The following UACA variants were observed in gnomAD, a reference collection of about 807,000 sequenced individuals.
The protein encoded by UACA is uveal autoantigen with coiled-coil domains and ankyrin repeats.
A neutral mutation model predicts 160.5 loss-of-function variants in UACA; 112 were observed. That is an observed-to-expected ratio of 0.70 (90% CI 0.60 to 0.82). UACA has a LOEUF of 0.82. UACA is among the 40% of genes least tolerant of loss of function. The pLI, the probability that UACA is intolerant of heterozygous loss-of-function variation, is 0.00. For synonymous variants in UACA, 557 were observed against 568.4 expected (o/e 0.98, Z 0.29); for missense variants, 1,574 against 1,614.6 (o/e 0.97, Z 0.43).
chr15:70,693,214 T>C (rs1039775901), intron 3 of UACA, among the ~76,000 whole-genome samples: 1 of 152,108 alleles, frequency 6.6e-6, no homozygotes, highest in African/African-American at 2.4e-5. Flanking sequence ...CTTGGTCACA[T>C]AAAAATGTCA....
chr15:70,711,497 TAAA>T (rs34582821), intron 1 of UACA, among the ~76,000 whole-genome samples: 4 of 141,716 alleles, frequency 2.8e-5, no homozygotes, highest in Non-Finnish European at 1.5e-5. Context: ...CCATCTCTAC[TAAA>T]AAAAAAAAAA....
rs144517368 is a variant in UACA at position 70,736,858 on chromosome 15, T to C, written c.78+26472A>G. ...TATATTGACGTGTTTATTCTAATTGTAGTAAATAAATGCTTATACTTGTAA... is the reference window on the plus strand; with the variant it reads ...TATATTGACGTGTTTATTCTAATTGCAGTAAATAAATGCTTATACTTGTAA... On this transcript the variant is annotated intron_variant, in intron 1 of 18. Coordinates refer to ENST00000322954, the MANE Select transcript of UACA (RefSeq NM_018003.4). 5.3e-3 allele frequency among the ~76,000 whole-genome samples: 807 copies of C among 152,350 alleles called. 4 individuals carry two copies. The highest frequency in any genetic ancestry group is 9.2e-3 in the Non-Finnish European group (626 of 68,032).
intron 9 of UACA, 116 bp from the exon 10 acceptor site, chr15:70,679,792 C>A (rs1249040723): frequency 7.0e-6 from 4 of 568,686 alleles, no homozygotes; most frequent in Non-Finnish European, 1.2e-5. Flanking sequence ...ACATTAGCTG[C>A]ACATAACACA....
chr15:70,712,637 C>A (rs376420043), intron 1 of UACA, among the ~76,000 whole-genome samples: 1 of 152,134 alleles, frequency 6.6e-6, no homozygotes, highest in Non-Finnish European at 1.5e-5. Flanking sequence ...TTATATCATA[C>A]GGAAAGTTAA....
chr15:70,654,681 T>A lies in UACA; in HGVS notation c.*2375A>T, dbSNP rs1896435109. 6.6e-6 allele frequency: 1 copy of A among 151,664 alleles called. No individual in the cohort carries two copies. The highest frequency in any genetic ancestry group is 2.4e-5 in the African/African-American group (1 of 41,344). 9.4% of individuals were successfully genotyped at this position (151,664 alleles called of 1,614,324 possible). ...AAAAAACTACACAGAACAAGAGTAATAAAGTTCTCAAGTAAGGATTGCACT... is the reference window on the plus strand; with the variant it reads ...AAAAAACTACACAGAACAAGAGTAAAAAAGTTCTCAAGTAAGGATTGCACT... On this transcript the variant is annotated 3_prime_UTR_variant, in exon 19 of 19. Transcript: ENST00000322954.
At chr15:70,700,871 C>G (rs1426768882) in intron 1 of UACA, among the ~76,000 whole-genome samples, 2 of 151,870 alleles carry the variant, frequency 1.3e-5, no homozygotes, top group Non-Finnish European at 2.9e-5. Context: ...CCTATGGCCA[C>G]AAATACCCTA....
In UACA at chr15:70,667,767, CCTT is replaced by C. The variant is rs747011009; in HGVS notation, c.2914_2916del (p.Lys972del). The C allele has an allele frequency of 3.1e-6, 5 of 1,614,040 alleles. No individual in the cohort carries two copies. The highest frequency in any genetic ancestry group is 2.2e-5 in the South Asian group (2 of 91,080). On this transcript the variant is annotated inframe_deletion, in exon 16 of 19. Coordinates refer to ENST00000322954, the MANE Select transcript of UACA (RefSeq NM_018003.4). Reference sequence around the variant, plus strand: ...ATGCATTCTTGTATTGTGTCGAGCTCCTTCTTCTGGGCTTTAATTTCGGCATGC... The same window carrying C: ...ATGCATTCTTGTATTGTGTCGAGCTCCTTCTGGGCTTTAATTTCGGCATGC...
At chr15:70,776,368 G>T in the UACA span, among the ~76,000 whole-genome samples, 129 of 151,024 alleles carry the variant, frequency 8.5e-4, no homozygotes, top group African/African-American at 2.9e-3. Context: ...AAGGACAGAG[G>T]TTCCTGTTTT....
rs1427097038 is a variant in UACA, at chr15:70,656,343, T to G, written c.*713A>C. ...TTATTCTCCAATATTGTGGCAAGAA[T>G]AGTCACCGCAAGTAAAAATTAAGAT... On this transcript the variant is annotated 3_prime_UTR_variant, in exon 19 of 19. Transcript: ENST00000322954. The G allele has an allele frequency of 6.6e-6, 1 of 152,136 alleles. No individual in the cohort carries two copies. The highest frequency in any genetic ancestry group is 1.9e-4 in the East Asian group (1 of 5,198). 9.4% of individuals were successfully genotyped at this position (152,136 alleles called of 1,614,324 possible). A position where few individuals can be genotyped will look rare whatever the true frequency, so the allele number is the denominator to read the frequency against.
Position 70,671,030 on chromosome 15 carries a change from AGTT to A in UACA, c.1221+6_1221+8del, listed in dbSNP as rs1595875755. On this transcript the variant is annotated splice_donor_region_variant and intron_variant, in intron 15 of 18. Transcript: ENST00000322954. The stretch of plus-strand genomic sequence containing the variant: ...GTTTTTTAAAATTAAAAAAAAAAAC[AGTT>A]ATTACCTGTGAGTCTGCCATATACA... The A allele has an allele frequency of 6.6e-7, 1 of 1,513,758 alleles. No homozygotes were observed. Among genetic ancestry groups the A allele is most frequent in the Non-Finnish European group, 8.8e-7 (1 of 1,131,002 alleles). 93.8% of individuals were successfully genotyped at this position (1,513,758 alleles called of 1,614,324 possible). A position where few individuals can be genotyped will look rare whatever the true frequency, so the allele number is the denominator to read the frequency against.
intron 1 of UACA, among the ~76,000 whole-genome samples, chr15:70,735,971 C>A (rs1272934864): frequency 6.6e-6 from 1 of 152,138 alleles, no homozygotes; most frequent in Non-Finnish European, 1.5e-5. Context: ...CCACTGTGCC[C>A]AGCTGAAAAC....
intron 1 of UACA, among the ~76,000 whole-genome samples, chr15:70,757,315 T>C (rs1271253672): frequency 2.0e-5 from 3 of 152,200 alleles, no homozygotes; most frequent in Admixed American, 2.0e-4. Flanking sequence ...TATTAATAGG[T>C]GGTAATAAGT....
Position 70,654,856 on chromosome 15 carries a change from T to C in UACA, c.*2200A>G, listed in dbSNP as rs1355163745. The stretch of plus-strand genomic sequence containing the variant: ...GCATTGTCCATTATCTATGTTCCGC[T>C]TGTTTACTAATTAAAAAGCTTTGGT... On this transcript the variant is annotated 3_prime_UTR_variant, in exon 19 of 19. Transcript: ENST00000322954. The C allele has an allele frequency of 6.6e-6, 1 of 152,236 alleles. No homozygotes were observed. Among genetic ancestry groups the C allele is most frequent in the Non-Finnish European group, 1.5e-5 (1 of 68,048 alleles). 9.4% of individuals were successfully genotyped at this position (152,236 alleles called of 1,614,324 possible). A position where few individuals can be genotyped will look rare whatever the true frequency, so the allele number is the denominator to read the frequency against.
In UACA at chr15:70,668,556, A is replaced by G. The variant is rs148252688; in HGVS notation, c.2128T>C (p.Leu710=). 20 of 1,612,240 alleles carry G rather than the reference A, an allele frequency of 1.2e-5. No individual in the cohort carries two copies. In the African/African-American group the frequency reaches 1.9e-4, roughly 15 times the overall value. ...TCCTTTTGTAGTGTCTGATTTTTCAATGTTAACTCAGTGATCTTCTTCCCA... is the reference window on the plus strand; with the variant it reads ...TCCTTTTGTAGTGTCTGATTTTTCAGTGTTAACTCAGTGATCTTCTTCCCA... ...ELGKKITELT[L]KNQTLQKEIE... Residue 710 remains leucine (L), a synonymous_variant, in exon 16 of 19, where the codon TTG becomes CTG. Coordinates refer to ENST00000322954, the MANE Select transcript of UACA (RefSeq NM_018003.4).
intron 1 of UACA, among the ~76,000 whole-genome samples, chr15:70,719,500 C>T (rs1464093017): frequency 6.6e-6 from 1 of 152,118 alleles, no homozygotes; most frequent in Non-Finnish European, 1.5e-5. Context: ...ATGCACATCT[C>T]AACGAGTTGA....
At chr15:70,670,204 A>T (rs1897088398) in intron 15 of UACA, among the ~76,000 whole-genome samples, 1 of 152,170 alleles carries the variant, frequency 6.6e-6, no homozygotes, top group Non-Finnish European at 1.5e-5. Context: ...TGGTGGATGT[A>T]TGACCTTCTT....
At chr15:70,752,485 G>A (rs2030144823) in intron 1 of UACA, among the ~76,000 whole-genome samples, 1 of 152,048 alleles carries the variant, frequency 6.6e-6, no homozygotes, top group South Asian at 2.1e-4. Context: ...TTTTAAAAGT[G>A]TAGAAAGCAT....
chr15:70,712,583 T>C (rs1032075722), intron 1 of UACA, among the ~76,000 whole-genome samples: 1 of 152,222 alleles, frequency 6.6e-6, no homozygotes, highest in Admixed American at 6.5e-5. Flanking sequence ...AGCTCTTTAA[T>C]GGAGTCCAAA....
intron 9 of UACA, among the ~76,000 whole-genome samples, chr15:70,681,363 C>T (rs555030959): frequency 6.6e-6 from 1 of 151,802 alleles, no homozygotes; most frequent in East Asian, 1.9e-4. Flanking sequence ...TTACATGTGC[C>T]TTAGTATTAA....
Sources: allele counts gnomAD v4.1 joint callset (sites outside exome capture counted in the v4.1 genomes callset), GRCh38; gene constraint gnomAD v4.1.1; transcripts MANE v1.5; gene names NCBI Gene and HGNC (gene_info 2026-07-23, HGNC 2026-07-21).